FHIT: variants seen among roughly 807,000 people sequenced by gnomAD.
The protein encoded by FHIT is fragile histidine triad diadenosine triphosphatase.
A neutral mutation model predicts 17.9 loss-of-function variants in FHIT; 19 were observed. The ratio of observed to expected loss-of-function variants is 1.06; its 90% CI spans 0.74 to 1.56. The LOEUF (loss-of-function observed/expected upper bound fraction) is 1.56, where lower values mean the gene tolerates loss of function less well. Among genes scored for constraint, FHIT ranks in the 40% most tolerant of loss-of-function variants. The probability of loss-of-function intolerance (pLI) is 0.00; values close to 1 mark genes in which losing one functional copy is unlikely to be tolerated. For missense variants in FHIT, 248 were observed against 189.2 expected (o/e 1.31, Z -1.82); for synonymous variants, 81 against 69.7 (o/e 1.16, Z -0.81).
intron 4 of FHIT, among the ~76,000 whole-genome samples, chr3:60,606,507 C>G (rs981746204): frequency 6.6e-6 from 1 of 152,116 alleles, no homozygotes; most frequent in African/African-American, 2.4e-5. Context: ...TCCCAAAGTG[C>G]TGGGATTACA....
intron 5 of FHIT, among the ~76,000 whole-genome samples, chr3:60,534,370 T>G (rs2035901148): frequency 7.4e-6 from 1 of 135,892 alleles, no homozygotes; most frequent in African/African-American, 2.8e-5. Flanking sequence ...GAAGCGGAGC[T>G]TGCAGTGAGC....
intron 5 of FHIT, among the ~76,000 whole-genome samples, chr3:60,064,929 G>T (rs1449082770): frequency 1.3e-5 from 2 of 152,132 alleles, no homozygotes; most frequent in African/African-American, 4.8e-5. Context: ...GACACTTAAA[G>T]ATATAACACT....
At chr3:59,821,380 C>G (rs2366952) in intron 8 of FHIT, among the ~76,000 whole-genome samples, 7,279 of 152,200 alleles carry the variant, frequency 0.048, 541 homozygotes, top group African/African-American at 0.17. Context: ...GGATTTGGTG[C>G]CTCTTGTCAG....
At chr3:60,990,442 G>A (rs1350024094) in intron 3 of FHIT, among the ~76,000 whole-genome samples, 1 of 152,168 alleles carries the variant, frequency 6.6e-6, no homozygotes, top group Non-Finnish European at 1.5e-5. Context: ...GGGTGGCGAT[G>A]ATAAAAGAGC....
At chr3:60,253,436 A>T (rs1705827970) in intron 5 of FHIT, among the ~76,000 whole-genome samples, 1 of 152,366 alleles carries the variant, frequency 6.6e-6, no homozygotes, top group Non-Finnish European at 1.5e-5. Flanking sequence ...TGTGATGATC[A>T]GTTGGCAACA....
intron 4 of FHIT, chr3:60,553,498 AAAAAATAT>A (rs1480452619): frequency 1.1e-3 from 107 of 99,900 alleles, no homozygotes; most frequent in African/African-American, 2.0e-3. Context: ...TATATATTTA[AAAAAATAT>A]ATATATATAT....
chr3:61,220,127 C>T (rs115506755), intron 1 of FHIT, among the ~76,000 whole-genome samples: 143 of 152,192 alleles, frequency 9.4e-4, no homozygotes, highest in African/African-American at 3.2e-3. Context: ...ATGAAGACAC[C>T]GAATAAATTC....
At chr3:60,529,147 T>A (rs950993900) in intron 5 of FHIT, among the ~76,000 whole-genome samples, 2 of 152,242 alleles carry the variant, frequency 1.3e-5, no homozygotes, top group Non-Finnish European at 2.9e-5. Context: ...GCCCAGAAGC[T>A]ATTTGCAAAT....
intron 7 of FHIT, among the ~76,000 whole-genome samples, chr3:59,979,432 C>T (rs1279209600): frequency 6.6e-6 from 1 of 152,068 alleles, no homozygotes; most frequent in African/African-American, 2.4e-5. Context: ...TTGGGAATGT[C>T]TAGAGTGGAG....
intron 4 of FHIT, among the ~76,000 whole-genome samples, chr3:60,764,279 C>T (rs1162699369): frequency 1.3e-5 from 2 of 152,020 alleles, no homozygotes; most frequent in East Asian, 1.9e-4. Flanking sequence ...ATACTAGACA[C>T]ACTGTAATTG....
At chr3:60,093,473 A>G (rs926513680) in intron 5 of FHIT, among the ~76,000 whole-genome samples, 2 of 152,164 alleles carry the variant, frequency 1.3e-5, no homozygotes, top group Admixed American at 1.3e-4. Context: ...AGCAACCTCA[A>G]TTCCATCTGC....
At chr3:60,677,595 GGT>G (rs1367490158) in intron 4 of FHIT, among the ~76,000 whole-genome samples, 2 of 151,246 alleles carry the variant, frequency 1.3e-5, no homozygotes, top group African/African-American at 2.4e-5. Context: ...ATATACATGT[GGT>G]GTGTGTGTAT....
At chr3:60,532,469 G>T (rs1436177738) in intron 5 of FHIT, among the ~76,000 whole-genome samples, 1 of 152,182 alleles carries the variant, frequency 6.6e-6, no homozygotes, top group Non-Finnish European at 1.5e-5. Context: ...TTTAAGCCAT[G>T]AACAATAGCT....
intron 5 of FHIT, among the ~76,000 whole-genome samples, chr3:60,100,930 T>C (rs529840458): frequency 3.9e-5 from 6 of 152,284 alleles, no homozygotes; most frequent in East Asian, 1.9e-4. Context: ...ATATAAGCCA[T>C]GTATGGCTAA....
At chr3:60,744,464 G>A (rs782434616) in intron 4 of FHIT, among the ~76,000 whole-genome samples, 1 of 152,206 alleles carries the variant, frequency 6.6e-6, no homozygotes, top group South Asian at 2.1e-4. Flanking sequence ...CCACAACTTT[G>A]TTCTAATAGG....
intron 4 of FHIT, among the ~76,000 whole-genome samples, chr3:60,605,096 TCAAA>T (rs2038567876): frequency 6.6e-6 from 1 of 151,810 alleles, no homozygotes; most frequent in Non-Finnish European, 1.5e-5. Context: ...GATTCTATAC[TCAAA>T]CACACACACA....
intron 5 of FHIT, among the ~76,000 whole-genome samples, chr3:60,342,343 C>T (rs1403215278): frequency 6.6e-6 from 1 of 152,176 alleles, no homozygotes; most frequent in Non-Finnish European, 1.5e-5. Flanking sequence ...CTGCTAGGTT[C>T]CATAGTGTGG....
chr3:60,967,869 C>G (rs949863189), intron 3 of FHIT, among the ~76,000 whole-genome samples: 1 of 152,094 alleles, frequency 6.6e-6, no homozygotes, highest in Non-Finnish European at 1.5e-5. Flanking sequence ...TAAGAGGGCT[C>G]AGCCATATTC....
In FHIT at chr3:60,075,456, C is replaced by T. The variant is rs1341508691; in HGVS notation, c.104-61304G>A. Among the ~76,000 whole-genome samples, 3 of 152,102 alleles carry T rather than the reference C, an allele frequency of 2.0e-5. No homozygotes were observed. In the East Asian group the frequency reaches 5.8e-4, roughly 29 times the overall value. ...ATTTAAAAAATAATACAATAGAACT[C>T]CATGAATCCAATTAAATTTAATTCC... On this transcript the variant is annotated intron_variant, in intron 5 of 9. Coordinates refer to ENST00000492590, the MANE Select transcript of FHIT (RefSeq NM_002012.4).
Sources: gnomAD v4.1 joint callset for allele counts (sites outside exome capture counted in the v4.1 genomes callset) on GRCh38, gnomAD v4.1.1 for gene constraint, MANE v1.5 for transcripts, NCBI Gene and HGNC (gene_info 2026-07-23, HGNC 2026-07-21) for gene names.